RAB33A: variants seen among roughly 807,000 people sequenced by gnomAD.
RAB33A encodes ras-related protein Rab-33A.
In RAB33A, 6 loss-of-function variants were observed where a neutral mutation model predicts 12.0. That is an observed-to-expected ratio of 0.50 (90% CI 0.27 to 0.99). The LOEUF (loss-of-function observed/expected upper bound fraction) is 0.99. RAB33A is among the 50% of genes least tolerant of loss of function. The probability of loss-of-function intolerance (pLI) is 0.11; values close to 1 mark genes in which losing one functional copy is unlikely to be tolerated. For missense variants in RAB33A, 109 were observed against 192.0 expected, an observed-to-expected ratio of 0.57 and a Z score of 2.55; for synonymous variants, 70 against 82.4, an observed-to-expected ratio of 0.85 and a Z score of 0.81.
chrX:130,113,743 C>T, the RAB33A span, among the ~76,000 whole-genome samples: 1 of 111,690 alleles, frequency 9.0e-6, no homozygotes, highest in Non-Finnish European at 1.9e-5. Flanking sequence ...TTTAAATGTG[C>T]AATAAATTAT....
chrX:130,137,976 C>T, the RAB33A span: 366 of 120,865 alleles, frequency 3.0e-3, 1 homozygote, highest in Non-Finnish European at 4.7e-3. Flanking sequence ...ACAGGAGAAT[C>T]GCTTGAACCT....
the RAB33A span, among the ~76,000 whole-genome samples, chrX:130,119,137 C>T: frequency 9.0e-6 from 1 of 110,955 alleles, no homozygotes; most frequent in Admixed American, 9.6e-5. Context: ...ATGTGTCAGC[C>T]AAGGATGAAA....
At chrX:130,143,432 A>G in the RAB33A span, among the ~76,000 whole-genome samples, 1 of 111,851 alleles carries the variant, frequency 8.9e-6, no homozygotes, top group Non-Finnish European at 1.9e-5. Flanking sequence ...GCTAGAAATT[A>G]GAAAATCATC....
the RAB33A span, among the ~76,000 whole-genome samples, chrX:130,152,567 T>C: frequency 3.1e-4 from 35 of 111,915 alleles, no homozygotes; most frequent in Non-Finnish European, 6.6e-4. Flanking sequence ...GGTCATTTTC[T>C]GAGTGAGGCA....
the RAB33A span, among the ~76,000 whole-genome samples, chrX:130,131,419 A>G: frequency 0.52 from 58,220 of 111,623 alleles, 12,068 homozygotes; most frequent in African/African-American, 0.79. Context: ...CAGCAGTGTC[A>G]TTGAGCTAGC....
chrX:130,182,615 G>A lies in RAB33A; in HGVS notation c.259-1670G>A, dbSNP rs58006871. On this transcript the variant is annotated intron_variant, in intron 1 of 1. Coordinates refer to ENST00000257017, the MANE Select transcript of RAB33A (RefSeq NM_004794.3). ...ACTAAAAATATAAAATTAGCCGGGC[G>A]TGGTGGCACATGCCTGTAATGCCAG... 9.9e-3 allele frequency among the ~76,000 whole-genome samples: 1,087 copies of A among 109,873 alleles called. 15 individuals carry two copies. The highest frequency in any genetic ancestry group is 0.034 in the African/African-American group (1,030 of 30,256).
the RAB33A span, among the ~76,000 whole-genome samples, chrX:130,160,895 T>C: frequency 9.3e-6 from 1 of 107,737 alleles, no homozygotes. Context: ...AATAAATAAA[T>C]AAATAAATAA....
At chrX:130,172,465 C>T in intron 1 of RAB33A, 145 bp downstream of exon 1, 1 of 752,823 alleles carries the variant, frequency 1.3e-6, no homozygotes, top group Middle Eastern at 4.8e-4. Flanking sequence ...CTCCTCCTCA[C>T]CCCTTTTCAC....
At chrX:130,154,873 A>C in the RAB33A span, among the ~76,000 whole-genome samples, 1 of 112,613 alleles carries the variant, frequency 8.9e-6, no homozygotes, top group Non-Finnish European at 1.9e-5. Flanking sequence ...ATTTGGTATC[A>C]TACAAAATCA....
chrX:130,146,845 T>G, the RAB33A span, among the ~76,000 whole-genome samples: 1 of 112,057 alleles, frequency 8.9e-6, no homozygotes, highest in East Asian at 2.8e-4. Flanking sequence ...CTTCTGCTCT[T>G]GTAGGACATG....
chrX:130,136,085 C>T, the RAB33A span: 7 of 1,211,731 alleles, frequency 5.8e-6, no homozygotes, highest in Non-Finnish European at 7.8e-6. Flanking sequence ...TGCATTTACC[C>T]GGAAGCCACC....
upstream of RAB33A, among the ~76,000 whole-genome samples, chrX:130,170,247 C>G (rs757723924): frequency 8.9e-6 from 1 of 112,458 alleles, no homozygotes; most frequent in South Asian, 3.7e-4. Context: ...TAGTCACATT[C>G]CAATTTGCTT....
chrX:130,152,510 T>C, the RAB33A span, among the ~76,000 whole-genome samples: 1 of 112,139 alleles, frequency 8.9e-6, no homozygotes, highest in Non-Finnish European at 1.9e-5. Flanking sequence ...TCTAAACAGA[T>C]GAATATGGTG....
the RAB33A span, among the ~76,000 whole-genome samples, chrX:130,127,087 G>A: frequency 9.0e-6 from 1 of 111,101 alleles, no homozygotes; most frequent in African/African-American, 3.3e-5. Flanking sequence ...AAAGTCAGGC[G>A]GAAAGTCAGC....
chrX:130,138,615 C>A, the RAB33A span: 1 of 1,208,803 alleles, frequency 8.3e-7, no homozygotes, highest in East Asian at 3.0e-5. Context: ...GAGCACAGGC[C>A]AGTTCGCTAC....
At position 130,178,636 on chromosome X, in the gene RAB33A, T is replaced by A. The variant is rs2031688398; in HGVS notation, c.259-5649T>A. Among the ~76,000 whole-genome samples the A allele has an allele frequency of 3.6e-5, 4 of 110,234 alleles. No homozygotes were observed. The South Asian group carries it at 1.2e-3, about 32-fold the overall frequency. ...CTGAGCGAGACCATGTCTGATTTTT[T>A]AAAATTAATTAATTAATTTATTTAT... On this transcript the variant is annotated intron_variant, in intron 1 of 1. Coordinates refer to ENST00000257017, the MANE Select transcript of RAB33A (RefSeq NM_004794.3).
the RAB33A span, among the ~76,000 whole-genome samples, chrX:130,129,050 G>A: frequency 8.9e-6 from 1 of 112,321 alleles, no homozygotes; most frequent in African/African-American, 3.2e-5. Flanking sequence ...CTTCCAGGAA[G>A]TCATGGGCTA....
At chrX:130,141,790 T>C in the RAB33A span, among the ~76,000 whole-genome samples, 1 of 111,868 alleles carries the variant, frequency 8.9e-6, no homozygotes, top group African/African-American at 3.3e-5. Flanking sequence ...CCTAAACCTC[T>C]CCTCCTACCT....
At chrX:130,134,986 A>T in the RAB33A span, among the ~76,000 whole-genome samples, 3 of 111,748 alleles carry the variant, frequency 2.7e-5, no homozygotes, top group Non-Finnish European at 5.6e-5. Flanking sequence ...GCAAGGAAAC[A>T]CAGGGAAGGA....
Sources: allele counts gnomAD v4.1 joint callset (sites outside exome capture counted in the v4.1 genomes callset), GRCh38; gene constraint gnomAD v4.1.1; transcripts MANE v1.5; gene names NCBI Gene and HGNC (gene_info 2026-07-23, HGNC 2026-07-21).